DNASE1: variants seen among roughly 807,000 people sequenced by gnomAD.
DNASE1 encodes the protein deoxyribonuclease 1.
Under a neutral mutation model 33.9 loss-of-function variants are expected in DNASE1, and 40 were observed. The ratio of observed to expected loss-of-function variants is 1.18; its 90% CI spans 0.92 to 1.54. DNASE1 has a LOEUF of 1.54. Ranked by LOEUF, DNASE1 falls within the 40% of genes most tolerant of loss-of-function variation. DNASE1 has a pLI of 0.00. For missense variants in DNASE1, 518 were observed against 372.6 expected (o/e 1.39, Z -3.21); for synonymous variants, 216 against 160.0 (o/e 1.35, Z -2.64).
downstream of DNASE1, chr16:3,660,460 A>C (rs2043007940): frequency 6.6e-6 from 1 of 152,074 alleles, no homozygotes; most frequent in Non-Finnish European, 1.5e-5. Context: ...GTGACAGAGC[A>C]AGACCCTGTC....
downstream of DNASE1, chr16:3,658,337 C>T (rs972278679): frequency 5.4e-5 from 48 of 888,932 alleles, no homozygotes; most frequent in Middle Eastern, 1.1e-3. Flanking sequence ...TGCAGAGGCA[C>T]GATCTCGGCT....
In DNASE1 at chr16:3,657,018, T is replaced by C; in HGVS notation, c.456T>C (p.Ile152=). 4 of 1,613,796 alleles carry C rather than the reference T, an allele frequency of 2.5e-6. No homozygotes were observed. The highest frequency in any genetic ancestry group is 3.4e-6 in the Non-Finnish European group (4 of 1,179,974). ...SRFTEVREFA[I]VPLHAAPGDA... The stretch of plus-strand genomic sequence containing the variant: ...CCACAGAGGTCAGGGAGTTTGCCAT[T>C]GTTCCCCTGCATGCGGCCCCGGGGG... The change falls in exon 6 of 9, where the codon ATT becomes ATC. Residue 152 remains isoleucine, a synonymous_variant. Coordinates refer to ENST00000246949, the MANE Select transcript of DNASE1 (RefSeq NM_005223.4).
At chr16:3,616,560 G>A (rs2041110891) in intron 1 of DNASE1, among the ~76,000 whole-genome samples, 1 of 152,204 alleles carries the variant, frequency 6.6e-6, no homozygotes, top group Non-Finnish European at 1.5e-5. Flanking sequence ...GATGGAGGTT[G>A]CAGTGATCCA....
chr16:3,655,621 G>A (rs1596645982), intron 2 of DNASE1, 101 bp downstream of exon 2: 2 of 1,567,130 alleles, frequency 1.3e-6, no homozygotes, highest in Non-Finnish European at 1.7e-6. Context: ...CGGGTGTGGG[G>A]TACTGAGCAC....
intron 1 of DNASE1, among the ~76,000 whole-genome samples, chr16:3,615,485 G>A (rs935817280): frequency 4.6e-5 from 7 of 152,186 alleles, no homozygotes; most frequent in Admixed American, 3.3e-4. Flanking sequence ...AGTGTTACTA[G>A]ATGGATGTTA....
At chr16:3,640,021 T>C (rs560559230), upstream of DNASE1, among the ~76,000 whole-genome samples, 1 of 152,226 alleles carries the variant, frequency 6.6e-6, no homozygotes, top group Non-Finnish European at 1.5e-5. Context: ...TTCTGAACTT[T>C]TCAGTGGGTC....
At chr16:3,659,546 A>G (rs2042943291), downstream of DNASE1, 1 of 152,210 alleles carries the variant, frequency 6.6e-6, no homozygotes, top group Non-Finnish European at 1.5e-5. Context: ...TCTGCATAGG[A>G]AAAAGCATCA....
intron 1 of DNASE1, among the ~76,000 whole-genome samples, chr16:3,629,282 G>A (rs1486896421): frequency 2.0e-5 from 3 of 151,336 alleles, no homozygotes; most frequent in African/African-American, 7.3e-5. Flanking sequence ...TTAGTTTGTT[G>A]AATGTTTTCA....
chr16:3,650,536 T>C (rs949314723), upstream of DNASE1: 1 of 150,864 alleles, frequency 6.6e-6, no homozygotes, highest in Non-Finnish European at 1.5e-5. Flanking sequence ...TCCTGTAATA[T>C]GAAACCTTAT....
downstream of DNASE1, chr16:3,659,653 C>T (rs118140825): frequency 3.3e-5 from 5 of 152,242 alleles, no homozygotes; most frequent in East Asian, 9.6e-4. Flanking sequence ...ACAACCTCTC[C>T]AGAGGACAAC....
intron 1 of DNASE1, among the ~76,000 whole-genome samples, chr16:3,612,195 C>T (rs2040903039): frequency 6.6e-6 from 1 of 152,080 alleles, no homozygotes; most frequent in South Asian, 2.1e-4. Flanking sequence ...GGACTTTACA[C>T]ATCGTATTAA....
intron 1 of DNASE1, among the ~76,000 whole-genome samples, chr16:3,622,912 G>A (rs1021950558): frequency 6.6e-6 from 1 of 152,138 alleles, no homozygotes; most frequent in Non-Finnish European, 1.5e-5. Context: ...AAAGCTGGAG[G>A]CATCACATTA....
At chr16:3,635,765 A>G (rs990305806) in intron 1 of DNASE1, among the ~76,000 whole-genome samples, 3 of 151,444 alleles carry the variant, frequency 2.0e-5, no homozygotes, top group African/African-American at 7.3e-5. Context: ...TCCCTTGAAT[A>G]ATTTCTCAAA....
downstream of DNASE1, chr16:3,658,603 G>A: frequency 3.3e-6 from 2 of 604,762 alleles, no homozygotes; most frequent in Admixed American, 3.0e-5. Flanking sequence ...AACCCGGGAG[G>A]CAGAGGTTGT....
upstream of DNASE1, chr16:3,641,081 C>T (rs536255456): frequency 5.0e-5 from 20 of 397,582 alleles, no homozygotes; most frequent in East Asian, 1.4e-4. Context: ...GCTGCTCCTG[C>T]GTGAGGCCCC....
chr16:3,637,808 A>C (rs557307371), intron 1 of DNASE1, among the ~76,000 whole-genome samples: 1 of 152,078 alleles, frequency 6.6e-6, no homozygotes, highest in Admixed American at 6.5e-5. Context: ...GCAGTTCATG[A>C]ATTGCTGTGT....
intron 1 of DNASE1, among the ~76,000 whole-genome samples, chr16:3,617,646 A>G (rs1322541315): frequency 6.6e-6 from 1 of 152,158 alleles, no homozygotes; most frequent in Non-Finnish European, 1.5e-5. Flanking sequence ...GCATAAGGAT[A>G]AGGATGGAGG....
At chr16:3,630,452 A>AT (rs1388157759) in intron 1 of DNASE1, among the ~76,000 whole-genome samples, 1 of 152,154 alleles carries the variant, frequency 6.6e-6, no homozygotes, top group Non-Finnish European at 1.5e-5. Flanking sequence ...AAAGTCTGGG[A>AT]TTACGGGCAT....
chr16:3,650,349 C>G (rs1417153316), upstream of DNASE1, among the ~76,000 whole-genome samples: 1 of 151,976 alleles, frequency 6.6e-6, no homozygotes, highest in Non-Finnish European at 1.5e-5. Flanking sequence ...AATGAATATT[C>G]TAAATAAGGC....
Sources: allele counts gnomAD v4.1 joint callset (sites outside exome capture counted in the v4.1 genomes callset), GRCh38; gene constraint gnomAD v4.1.1; transcripts MANE v1.5; gene names NCBI Gene and HGNC (gene_info 2026-07-23, HGNC 2026-07-21).